CD6: variants seen among roughly 807,000 people sequenced by gnomAD.
CD6 encodes T-cell differentiation antigen CD6.
A neutral mutation model predicts 75.3 loss-of-function variants in CD6; 53 were observed. The ratio of observed to expected loss-of-function variants is 0.70; its 90% CI spans 0.56 to 0.88. CD6 has a LOEUF of 0.88. Among genes scored for constraint, CD6 ranks in the 40% least tolerant of loss-of-function variants. The pLI, the probability that CD6 is intolerant of heterozygous loss-of-function variation, is 0.00. For missense variants in CD6, 770 were observed against 897.1 expected (o/e 0.86, Z 1.81); for synonymous variants, 359 against 381.5 (o/e 0.94, Z 0.69).
At position 61,013,422 on chromosome 11, in the gene CD6, G is replaced by A. The variant is rs368907143; in HGVS notation, c.1151-1G>A. The A allele has an allele frequency of 6.2e-7, 1 of 1,613,602 alleles. No individual in the cohort carries two copies. The highest frequency in any genetic ancestry group is 8.5e-7 in the Non-Finnish European group (1 of 1,179,758). On this transcript the variant is annotated splice_acceptor_variant, in intron 6 of 12. Transcript: ENST00000313421. LOFTEE classifies it high-confidence loss of function. ...TCCTGAATTGGAATTCTTGTTTCCA[G>A]AATCTTCTGTGACAGTGAAAATAGA...
rs1859501422 is a variant in CD6 at position 61,018,033 on chromosome 11, A to G, written c.1837+20A>G. ...TTTCAGGTAAGCTGTGCCTCCCCCA[A>G]ACCCCCATCCCATAGCCAGCCTGGC... On this transcript the variant is annotated intron_variant, in intron 11 of 12. Transcript: ENST00000313421. 1.9e-6 allele frequency: 3 copies of G among 1,607,908 alleles called. No homozygotes were observed. Among genetic ancestry groups the G allele is most frequent in the Admixed American group, 1.7e-5 (1 of 59,876 alleles).
chr11:60,989,991 C>T (rs1175766849), intron 1 of CD6, among the ~76,000 whole-genome samples: 2 of 151,774 alleles, frequency 1.3e-5, no homozygotes, highest in Non-Finnish European at 2.9e-5. Context: ...TTCATATATG[C>T]TTTTATTTTA....
In CD6 at chr11:61,009,484, T is replaced by A. The variant is rs759263147; in HGVS notation, c.782-88T>A. 28 of 1,199,494 alleles carry A rather than the reference T, an allele frequency of 2.3e-5. No homozygotes were observed. In the South Asian group the frequency reaches 4.4e-4, roughly 19 times the overall value. The allele number at this position is 1,199,494 out of a possible 1,614,324, so 74.3% of individuals were successfully genotyped here. A position where few individuals can be genotyped will look rare whatever the true frequency, so the allele number is the denominator to read the frequency against. On this transcript the variant is annotated intron_variant, in intron 4 of 12. Coordinates refer to ENST00000313421, the MANE Select transcript of CD6 (RefSeq NM_006725.5). ...AAGATCTGGAGACCAAATGGCTGCA[T>A]TGGTGCCTGCACTGGTGGGTCTGGG...
intron 1 of CD6, among the ~76,000 whole-genome samples, chr11:60,976,216 TG>T (rs1857357984): frequency 6.6e-6 from 1 of 152,244 alleles, no homozygotes; most frequent in Admixed American, 6.5e-5. Flanking sequence ...TACTCCATTC[TG>T]TATGTCCATG....
intron 1 of CD6, among the ~76,000 whole-genome samples, chr11:60,978,476 T>TA (rs1857447087): frequency 6.6e-6 from 1 of 152,208 alleles, no homozygotes; most frequent in Non-Finnish European, 1.5e-5. Context: ...GTGTGGACTT[T>TA]GAGAACTAGC....
intron 1 of CD6, among the ~76,000 whole-genome samples, chr11:60,990,549 C>T (rs1425173159): frequency 2.0e-5 from 3 of 151,996 alleles, no homozygotes; most frequent in Non-Finnish European, 2.9e-5. Context: ...GAACCCAATG[C>T]GTCCTCACCA....
intron 12 of CD6, 87 bp downstream of exon 12, chr11:61,018,480 C>CAAGGGGAAAAGGAGAAAGG (rs55799216): frequency 0.12 from 108,305 of 886,616 alleles, 11,498 homozygotes; most frequent in African/African-American, 0.36. Context: ...TGCATTCGCT[C>CAAGGGGAAAAGGAGAAAGG]AAGGGGAAAA....
chr11:61,000,233 G>A (rs1858515149), intron 1 of CD6, among the ~76,000 whole-genome samples: 2 of 152,134 alleles, frequency 1.3e-5, no homozygotes. Flanking sequence ...GTTCCCAGAT[G>A]TGGAATTACT....
At chr11:60,985,581 T>TAC (rs1857780854) in intron 1 of CD6, among the ~76,000 whole-genome samples, 1 of 151,690 alleles carries the variant, frequency 6.6e-6, no homozygotes, top group Non-Finnish European at 1.5e-5. Flanking sequence ...AGAATATATA[T>TAC]ATATAAACAA....
rs1590734150 is a variant in CD6 at position 61,019,396 on chromosome 11, A to C, written c.*78A>C. The C allele has an allele frequency of 7.2e-6, 8 of 1,116,836 alleles. No homozygotes were observed. Among genetic ancestry groups the C allele is most frequent in the Admixed American group, 2.2e-5 (1 of 45,992 alleles). The allele number at this position is 1,116,836 out of a possible 1,614,324, so 69.2% of individuals were successfully genotyped here. ...CTACCTACTCCCTTTCCCCTTTCCC[A>C]CCCTCCCAGCTCACCTCCCCATGGA... On this transcript the variant is annotated 3_prime_UTR_variant, in exon 13 of 13. Coordinates refer to ENST00000313421, the MANE Select transcript of CD6 (RefSeq NM_006725.5).
rs537569324 is a variant in CD6, at chr11:60,988,897, C to T, written c.49+16983C>T. Among the ~76,000 whole-genome samples the T allele has an allele frequency of 4.6e-5, 7 of 152,328 alleles. No homozygotes were observed. The South Asian group carries it at 6.2e-4, about 14-fold the overall frequency. ...CCCTGGAAAATCGCTGAGAGCTCAG[C>T]AGTTTCAGCCTTCACTCCCCTCCTC... On this transcript the variant is annotated intron_variant, in intron 1 of 12. Coordinates refer to ENST00000313421, the MANE Select transcript of CD6 (RefSeq NM_006725.5).
At chr11:60,997,922 T>C (rs1028956802) in intron 1 of CD6, among the ~76,000 whole-genome samples, 1 of 152,312 alleles carries the variant, frequency 6.6e-6, no homozygotes, top group African/African-American at 2.4e-5. Flanking sequence ...CAGCACCATA[T>C]GATTTTCCCT....
intron 1 of CD6, 50 bp downstream of exon 1, chr11:60,971,964 C>A (rs754081700): frequency 2.0e-5 from 32 of 1,581,666 alleles, no homozygotes; most frequent in Non-Finnish European, 2.3e-5. Flanking sequence ...GGAGCCGGGT[C>A]CGGCCCTCTC....
rs1565158368 is a variant in CD6, at chr11:61,009,892, A to C, written c.1084+18A>C. The C allele has an allele frequency of 2.0e-6, 3 of 1,512,910 alleles. No individual in the cohort carries two copies. Among genetic ancestry groups the C allele is most frequent in the East Asian group, 2.3e-5 (1 of 43,110 alleles). 93.7% of individuals were successfully genotyped at this position (1,512,910 alleles called of 1,614,324 possible). A position where few individuals can be genotyped will look rare whatever the true frequency, so the allele number is the denominator to read the frequency against. ...CTGCTCAGGTACCCCATCCTACTCC[A>C]CCCCCCCAGATTTGAGCCAGAATTC... On this transcript the variant is annotated intron_variant, in intron 5 of 12. Transcript: ENST00000313421.
At chr11:61,016,234 T>C (rs904952174) in intron 9 of CD6, among the ~76,000 whole-genome samples, 3 of 152,198 alleles carry the variant, frequency 2.0e-5, no homozygotes, top group African/African-American at 4.8e-5. Context: ...TCTGACCCCA[T>C]CAGCCCCACT....
At chr11:60,977,028 G>A (rs1001685254) in intron 1 of CD6, among the ~76,000 whole-genome samples, 11 of 152,100 alleles carry the variant, frequency 7.2e-5, no homozygotes, top group Non-Finnish European at 1.2e-4. Context: ...GACAGTTAGC[G>A]TGGCCTTCAC....
chr11:60,976,051 G>A (rs1857350231), intron 1 of CD6, among the ~76,000 whole-genome samples: 1 of 152,198 alleles, frequency 6.6e-6, no homozygotes. Context: ...TATGAGGGTA[G>A]AAGTGCAGTT....
Position 60,978,507 on chromosome 11 carries a change from GA to G in CD6, c.49+6595del, listed in dbSNP as rs1857447637. 2.0e-5 allele frequency among the ~76,000 whole-genome samples: 3 copies of G among 152,294 alleles called. No individual in the cohort carries two copies. The South Asian group carries it at 6.2e-4, about 32-fold the overall frequency. On this transcript the variant is annotated intron_variant, in intron 1 of 12. Coordinates refer to ENST00000313421, the MANE Select transcript of CD6 (RefSeq NM_006725.5). ...CTAGCTCTGGTCCTAACTTGCTGGG[GA>G]ATCTTGGTCAAGTTCCTTCCTTTCT...
At position 61,015,728 on chromosome 11, in the gene CD6, T is replaced by A; in HGVS notation, c.1403T>A (p.Ile468Asn). The A allele has an allele frequency of 1.2e-6, 2 of 1,614,206 alleles. No individual in the cohort carries two copies. Among genetic ancestry groups the A allele is most frequent in the Non-Finnish European group, 1.7e-6 (2 of 1,180,032 alleles). ...TIPKEVFMLP[I>N]QVQAPPPEDS... ...CTCTCCCCAGTTTTCATGCTGCCCA[T>A]CCAGGTCCAGGCCCCGCCCCCTGAG... is the stretch of plus-strand genomic sequence containing the variant. Residue 468 changes from isoleucine to asparagine, a missense_variant, in exon 9 of 13, where the codon ATC (isoleucine) becomes AAC (asparagine). Physicochemically the swap from Ile to Asn is moderately radical, Grantham distance 149. Transcript: ENST00000313421.
Sources: gnomAD v4.1 joint callset for allele counts (sites outside exome capture counted in the v4.1 genomes callset) on GRCh38, gnomAD v4.1.1 for gene constraint, MANE v1.5 for transcripts, NCBI Gene and HGNC (gene_info 2026-07-23, HGNC 2026-07-21) for gene names.